PSD3: variants seen among roughly 807,000 people sequenced by gnomAD.
PSD3 encodes PH and SEC7 domain-containing protein 3.
In PSD3, 49 loss-of-function variants were observed where a neutral mutation model predicts 105.5. That is an observed-to-expected ratio of 0.46 (90% CI 0.37 to 0.59). The LOEUF is 0.59. Among genes scored for constraint, PSD3 ranks in the 20% least tolerant of loss-of-function variants. The probability of loss-of-function intolerance (pLI) is 0.00; values close to 1 mark genes in which losing one functional copy is unlikely to be tolerated. For synonymous variants in PSD3, 557 were observed against 457.8 expected, an observed-to-expected ratio of 1.22 and a Z score of -2.77; for missense variants, 1,561 against 1,263.8, an observed-to-expected ratio of 1.24 and a Z score of -3.57.
rs1054005581 is a variant in PSD3, at chr8:18,963,460, CT to C, written c.22-27319del. Among the ~76,000 whole-genome samples, 116 of 152,246 alleles carry C rather than the reference CT, an allele frequency of 7.6e-4. 1 individual carries two copies. Among genetic ancestry groups the C allele is most frequent in the African/African-American group, 2.6e-3 (109 of 41,534 alleles). On this transcript the variant is annotated intron_variant, in intron 1 of 15. Coordinates refer to ENST00000327040, the MANE Select transcript of PSD3 (RefSeq NM_015310.4). ...CCACTCAAGAATCTTAGCATTTTCT[CT>C]TTTTTTCTTATTTTATACATACTCG...
chr8:18,663,526 G>T (rs1809508909), intron 9 of PSD3, among the ~76,000 whole-genome samples: 1 of 151,950 alleles, frequency 6.6e-6, no homozygotes, highest in Non-Finnish European at 1.5e-5. Context: ...ATGTGTGTAT[G>T]CATTCATTTA....
intron 1 of PSD3, among the ~76,000 whole-genome samples, chr8:19,008,945 C>T (rs980391137): frequency 6.6e-6 from 1 of 152,236 alleles, no homozygotes; most frequent in African/African-American, 2.4e-5. Context: ...ACTGTGTCAA[C>T]ACCCTCTGTG....
At chr8:18,975,626 G>A (rs1250298075) in intron 1 of PSD3, among the ~76,000 whole-genome samples, 1 of 152,126 alleles carries the variant, frequency 6.6e-6, no homozygotes, top group African/African-American at 2.4e-5. Context: ...TTCCTTTCCT[G>A]CAACAGTTCC....
intron 10 of PSD3, among the ~76,000 whole-genome samples, chr8:18,636,302 A>G (rs551377653): frequency 1.3e-5 from 2 of 152,298 alleles, no homozygotes; most frequent in African/African-American, 4.8e-5. Flanking sequence ...TAAAAGTAAA[A>G]AAGGCAAAAT....
intron 12 of PSD3, among the ~76,000 whole-genome samples, chr8:18,583,412 C>G (rs370177602): frequency 6.6e-6 from 1 of 152,102 alleles, no homozygotes; most frequent in South Asian, 2.1e-4. Flanking sequence ...GTTTGGGTAA[C>G]AGAGTGAGAC....
chr8:18,993,980 G>A (rs1825935936), intron 1 of PSD3, among the ~76,000 whole-genome samples: 2 of 151,946 alleles, frequency 1.3e-5, no homozygotes, highest in African/African-American at 4.8e-5. Flanking sequence ...TCACTGACAT[G>A]TGCTGAGAAG....
At chr8:18,706,639 C>T (rs1024814131) in intron 9 of PSD3, among the ~76,000 whole-genome samples, 46 of 152,224 alleles carry the variant, frequency 3.0e-4, no homozygotes, top group Admixed American at 5.2e-4. Context: ...ATCCAGCTGG[C>T]AATCACCTAG....
At chr8:19,033,954 C>T (rs559337727) in intron 1 of PSD3, among the ~76,000 whole-genome samples, 1 of 151,936 alleles carries the variant, frequency 6.6e-6, no homozygotes, top group Non-Finnish European at 1.5e-5. Flanking sequence ...AGGGGTTAAG[C>T]AACAAGGTAA....
intron 11 of PSD3, among the ~76,000 whole-genome samples, chr8:18,621,699 T>C (rs1421651889): frequency 6.6e-6 from 1 of 152,234 alleles, no homozygotes. Context: ...AACTGCTCCG[T>C]TACACACCCT....
At chr8:18,546,499 G>T (rs1445020182) in intron 15 of PSD3, among the ~76,000 whole-genome samples, 1 of 152,130 alleles carries the variant, frequency 6.6e-6, no homozygotes, top group Non-Finnish European at 1.5e-5. Context: ...GAGCTATGCT[G>T]CAGGTGTAAA....
chr8:18,709,206 C>G (rs1372646820), intron 9 of PSD3, among the ~76,000 whole-genome samples: 8 of 152,166 alleles, frequency 5.3e-5, no homozygotes. Context: ...AGGAATTCCC[C>G]ACAGTGAAGC....
chr8:18,743,835 G>A (rs943398352), intron 9 of PSD3, among the ~76,000 whole-genome samples: 1 of 151,376 alleles, frequency 6.6e-6, no homozygotes, highest in Non-Finnish European at 1.5e-5. Flanking sequence ...TGCAGTCCCA[G>A]CTACTTTGAG....
intron 9 of PSD3, among the ~76,000 whole-genome samples, chr8:18,756,754 A>G (rs1030112790): frequency 6.2e-5 from 9 of 145,966 alleles, no homozygotes; most frequent in Non-Finnish European, 9.0e-5. Flanking sequence ...CACAGGCTCC[A>G]GAAGCCTAAA....
chr8:18,977,966 C>T (rs1016881604), intron 1 of PSD3, among the ~76,000 whole-genome samples: 1 of 152,096 alleles, frequency 6.6e-6, no homozygotes, highest in Non-Finnish European at 1.5e-5. Flanking sequence ...TGAGCAAAAA[C>T]AAGTGAACAA....
chr8:18,703,911 C>A (rs1409179739), intron 9 of PSD3, among the ~76,000 whole-genome samples: 1 of 152,096 alleles, frequency 6.6e-6, no homozygotes, highest in Non-Finnish European at 1.5e-5. Flanking sequence ...CCTGAAACTA[C>A]TGCAGCATCA....
intron 1 of PSD3, among the ~76,000 whole-genome samples, chr8:18,953,751 A>C (rs917707131): frequency 3.0e-5 from 4 of 132,302 alleles, no homozygotes; most frequent in African/African-American, 1.1e-4. Context: ...CATCTCAAAA[A>C]AGAAAAGAAA....
intron 11 of PSD3, among the ~76,000 whole-genome samples, chr8:18,616,227 A>G (rs957494868): frequency 1.3e-5 from 2 of 152,324 alleles, no homozygotes; most frequent in East Asian, 3.9e-4. Flanking sequence ...AACTCAGACC[A>G]CGTTTCTTCC....
Position 18,532,597 on chromosome 8 carries a change from A to C in PSD3, c.*3146T>G, listed in dbSNP as rs1799678039. The C allele has an allele frequency of 6.6e-6, 1 of 152,240 alleles. No homozygotes were observed. The highest frequency in any genetic ancestry group is 1.5e-5 in the Non-Finnish European group (1 of 68,042). The allele number at this position is 152,240 out of a possible 1,614,324, so 9.4% of individuals were successfully genotyped here. On this transcript the variant is annotated 3_prime_UTR_variant, in exon 16 of 16. Coordinates refer to ENST00000327040, the MANE Select transcript of PSD3 (RefSeq NM_015310.4). ...CATGGTTTTGCTGAGATTAATTAAA[A>C]TTCACAAAAGTATTGCTCAGTTTAA...
intron 2 of PSD3, among the ~76,000 whole-genome samples, chr8:18,901,056 A>C (rs1005993864): frequency 6.6e-6 from 1 of 152,178 alleles, no homozygotes; most frequent in Non-Finnish European, 1.5e-5. Flanking sequence ...GGTGTATATA[A>C]GTTTTGATAA....
Sources: gnomAD v4.1 joint callset for allele counts (sites outside exome capture counted in the v4.1 genomes callset) on GRCh38, gnomAD v4.1.1 for gene constraint, MANE v1.5 for transcripts, NCBI Gene and HGNC (gene_info 2026-07-23, HGNC 2026-07-21) for gene names.